TSHR: variants seen among roughly 807,000 people sequenced by gnomAD.
The protein encoded by TSHR is thyroid stimulating hormone receptor, also known as thyrotropin receptor.
TSHR carries 51 observed loss-of-function variants against 64.1 expected under a neutral mutation model. The ratio of observed to expected loss-of-function variants is 0.80; its 90% confidence interval spans 0.64 to 1.01. The LOEUF is 1.01. TSHR is among the 50% of genes least tolerant of loss of function. The probability of loss-of-function intolerance (pLI) is 0.00; values close to 1 mark genes in which losing one functional copy is unlikely to be tolerated. For synonymous variants in TSHR, 361 were observed against 361.9 expected (o/e 1.00, Z 0.03); for missense variants, 877 against 942.8 (o/e 0.93, Z 0.91).
chr14:81,142,986 C>T lies in TSHR; in HGVS notation c.928C>T (p.Arg310Cys), dbSNP rs121908882. 38 of 1,614,024 alleles carry T rather than the reference C, an allele frequency of 2.4e-5. No homozygotes were observed. The highest frequency in any genetic ancestry group is 1.6e-4 in the Middle Eastern group (1 of 6,084). Reference protein sequence around the residue: ...MCNESSMQSLRQRKSVNALNS... With the variant: ...MCNESSMQSLCQRKSVNALNS... Reference sequence around the variant, plus strand: ...TAATGAGAGCAGTATGCAGAGCTTGCGCCAGAGAAAATCTGTGAATGCCTT... The same window carrying T: ...TAATGAGAGCAGTATGCAGAGCTTGTGCCAGAGAAAATCTGTGAATGCCTT... The change falls in exon 10 of 10, where the codon CGC (arginine) becomes TGC (cysteine). Residue 310 changes from arginine to cysteine, a missense_variant. Transcript: ENST00000298171.
intron 1 of TSHR, among the ~76,000 whole-genome samples, chr14:81,007,200 G>C (rs1889650031): frequency 6.6e-6 from 1 of 152,186 alleles, no homozygotes; most frequent in Non-Finnish European, 1.5e-5. Flanking sequence ...TATAAGAAGA[G>C]GAAGAGAAAC....
At chr14:81,087,840 G>T in intron 3 of TSHR, 114 bp from the exon 4 acceptor site, 1 of 861,288 alleles carries the variant, frequency 1.2e-6, no homozygotes, top group Non-Finnish European at 2.0e-6. Flanking sequence ...ACCCTGTGGC[G>T]TAAATGCATA....
At chr14:81,022,234 C>G (rs959300204) in intron 1 of TSHR, among the ~76,000 whole-genome samples, 3 of 152,064 alleles carry the variant, frequency 2.0e-5, no homozygotes, top group Non-Finnish European at 4.4e-5. Flanking sequence ...AGTGCCACTG[C>G]ACTCCAGCCT....
intron 5 of TSHR, 47 bp downstream of exon 5, chr14:81,091,190 G>C (rs1888708082): frequency 6.6e-7 from 1 of 1,505,798 alleles, no homozygotes; most frequent in African/African-American, 1.4e-5. Flanking sequence ...GTTTGTCACT[G>C]ACAAGAACTA....
intron 1 of TSHR, among the ~76,000 whole-genome samples, chr14:81,060,337 T>C (rs977982528): frequency 5.9e-5 from 9 of 152,094 alleles, no homozygotes; most frequent in African/African-American, 2.4e-5. Flanking sequence ...GAATGACTTG[T>C]TCTTCTCATA....
chr14:81,030,670 A>C (rs1213225759), intron 1 of TSHR, among the ~76,000 whole-genome samples: 2 of 152,156 alleles, frequency 1.3e-5, no homozygotes, highest in African/African-American at 2.4e-5. Context: ...TGCTGAATGG[A>C]ATTGAGTATG....
intron 1 of TSHR, among the ~76,000 whole-genome samples, chr14:81,031,046 C>T (rs1157753302): frequency 2.0e-5 from 3 of 152,100 alleles, no homozygotes; most frequent in Non-Finnish European, 4.4e-5. Context: ...CTGGTTGCCT[C>T]AATTAATAAA....
At chr14:80,966,916 T>C (rs1324024403) in intron 1 of TSHR, among the ~76,000 whole-genome samples, 9 of 152,114 alleles carry the variant, frequency 5.9e-5, no homozygotes. Context: ...CAAGCTCACC[T>C]CTCTTGTGTT....
intron 1 of TSHR, among the ~76,000 whole-genome samples, chr14:80,978,956 G>A (rs1888031556): frequency 6.6e-6 from 1 of 152,170 alleles, no homozygotes; most frequent in Non-Finnish European, 1.5e-5. Flanking sequence ...TTTCAGATCT[G>A]TAAGCCAGGT....
chr14:81,078,294 A>G (rs1887643477), intron 3 of TSHR, among the ~76,000 whole-genome samples: 2 of 152,202 alleles, frequency 1.3e-5, no homozygotes, highest in South Asian at 2.1e-4. Flanking sequence ...TGCTGAGTAT[A>G]GAATTGTAGC....
At chr14:81,007,370 C>T (rs1029142828) in intron 1 of TSHR, among the ~76,000 whole-genome samples, 3 of 152,208 alleles carry the variant, frequency 2.0e-5, no homozygotes, top group South Asian at 2.1e-4. Flanking sequence ...TTGACTCTGA[C>T]GGTCTTACAG....
intron 1 of TSHR, among the ~76,000 whole-genome samples, chr14:80,968,599 A>G: frequency 6.6e-6 from 1 of 152,130 alleles, no homozygotes; most frequent in South Asian, 2.1e-4. Context: ...TGACTGGTTG[A>G]GTTGATTGCC....
Position 81,144,145 on chromosome 14 carries a change from T to A in TSHR, c.2087T>A (p.Phe696Tyr). The change falls in exon 10 of 10, where the codon TTT becomes TAT. Residue 696 changes from phenylalanine (F) to tyrosine (Y), a missense_variant. Physicochemically the swap from Phe to Tyr is conservative, Grantham distance 22. Coordinates refer to ENST00000298171, the MANE Select transcript of TSHR (RefSeq NM_000369.5). ...QRDVFILLSK[F>Y]GICKRQAQAY... ...GATGTGTTCATCCTACTCAGCAAGT[T>A]TGGCATCTGTAAACGCCAGGCTCAG... 1 of 1,614,158 alleles carries A rather than the reference T, an allele frequency of 6.2e-7. No homozygotes were observed. The highest frequency in any genetic ancestry group is 8.5e-7 in the Non-Finnish European group (1 of 1,180,036).
At chr14:81,056,280 G>A (rs753146839) in intron 1 of TSHR, among the ~76,000 whole-genome samples, 7 of 151,994 alleles carry the variant, frequency 4.6e-5, no homozygotes, top group South Asian at 4.2e-4. Flanking sequence ...TCGCAGTCTC[G>A]GGTATGTCTT....
chr14:81,109,971 G>T (rs1316168044), intron 8 of TSHR, among the ~76,000 whole-genome samples: 1 of 152,172 alleles, frequency 6.6e-6, no homozygotes, highest in Non-Finnish European at 1.5e-5. Flanking sequence ...GCTTCTTCAA[G>T]ATTAAGGTAC....
chr14:80,956,959 C>T (rs1213639273), intron 1 of TSHR, among the ~76,000 whole-genome samples: 11 of 152,110 alleles, frequency 7.2e-5, no homozygotes, highest in Admixed American at 5.2e-4. Context: ...TTGATTACAC[C>T]TCTACATAGG....
At chr14:81,033,130 G>T in intron 1 of TSHR, 1 of 363,972 alleles carries the variant, frequency 2.7e-6, no homozygotes, top group South Asian at 2.9e-5. Context: ...ATTCATCTAT[G>T]AATCTGATGT....
chr14:81,043,318 G>A (rs1173752338), intron 1 of TSHR, among the ~76,000 whole-genome samples: 3 of 151,958 alleles, frequency 2.0e-5, no homozygotes, highest in Non-Finnish European at 1.5e-5. Context: ...GCCAAATCAC[G>A]AATGAACTCC....
At chr14:80,985,583 T>C (rs1446320932) in intron 1 of TSHR, among the ~76,000 whole-genome samples, 13 of 152,228 alleles carry the variant, frequency 8.5e-5, no homozygotes, top group Non-Finnish European at 1.5e-5. Context: ...AGGTTATGGC[T>C]GAATTCTCTA....
Sources: gnomAD v4.1 joint callset for allele counts (sites outside exome capture counted in the v4.1 genomes callset) on GRCh38, gnomAD v4.1.1 for gene constraint, MANE v1.5 for transcripts, NCBI Gene and HGNC (gene_info 2026-07-23, HGNC 2026-07-21) for gene names.